The following RFX3 variants were observed in gnomAD, a reference collection of about 807,000 sequenced individuals.
RFX3 encodes transcription factor RFX3.
RFX3 carries 14 observed loss-of-function variants against 98.6 expected under a neutral mutation model. The observed-to-expected ratio is 0.14, with a 90% CI of 0.09 to 0.22. RFX3 has a LOEUF of 0.22. Among genes scored for constraint, RFX3 ranks in the 10% least tolerant of loss-of-function variants. RFX3 has a pLI of 1.00. For missense variants in RFX3, 639 were observed against 926.9 expected (o/e 0.69, Z 4.03); for synonymous variants, 383 against 328.4 (o/e 1.17, Z -1.80).
rs1036566978 is a variant in RFX3 at position 3,220,496 on chromosome 9, T to G, written c.*4546A>C. The G allele has an allele frequency of 5.3e-5, 8 of 152,088 alleles. No individual in the cohort carries two copies. Among genetic ancestry groups the G allele is most frequent in the Non-Finnish European group, 1.2e-4 (8 of 68,014 alleles). The allele number at this position is 152,088 out of a possible 1,614,324, so 9.4% of individuals were successfully genotyped here. On this transcript the variant is annotated 3_prime_UTR_variant, in exon 17 of 17. Transcript: ENST00000617270. ...GACTATGGTGTGATACTAGAAAAGT[T>G]GATTTTTTTTTTCTGTAAACAGTAC...
chr9:3,224,864 C>G lies in RFX3; in HGVS notation c.*178G>C, dbSNP rs919841007. The G allele has an allele frequency of 3.8e-6, 2 of 529,356 alleles. No homozygotes were observed. The highest frequency in any genetic ancestry group is 3.8e-5 in the African/African-American group (2 of 52,490). 32.8% of individuals were successfully genotyped at this position (529,356 alleles called of 1,614,324 possible). A position where few individuals can be genotyped will look rare whatever the true frequency, so the allele number is the denominator to read the frequency against. ...TATTAAGAAGCAAATAATTTGTTTA[C>G]GTTAAAAAAAAAGATCTGGCAAAAT... On this transcript the variant is annotated 3_prime_UTR_variant, in exon 17 of 17. Transcript: ENST00000617270.
intron 1 of RFX3, among the ~76,000 whole-genome samples, chr9:3,429,147 C>T (rs1320082581): frequency 2.0e-5 from 3 of 151,152 alleles, no homozygotes; most frequent in Non-Finnish European, 4.4e-5. Flanking sequence ...CTCAGCCTCC[C>T]AAGTAGCTGG....
In RFX3 at chr9:3,284,363, T is replaced by C. The variant is rs547450100; in HGVS notation, c.851+3768A>G. 3.9e-5 allele frequency among the ~76,000 whole-genome samples: 6 copies of C among 151,936 alleles called. 1 individual carries two copies. The South Asian group carries it at 1.2e-3, about 31-fold the overall frequency. ...CTCTATAATAATCTAACTTACTTAT[T>C]ATCTAAATTAGGGTAAACAAATTAG... On this transcript the variant is annotated intron_variant, in intron 7 of 16. Transcript: ENST00000617270.
At chr9:3,345,580 T>C (rs1394198494) in intron 3 of RFX3, among the ~76,000 whole-genome samples, 1 of 152,172 alleles carries the variant, frequency 6.6e-6, no homozygotes, top group Non-Finnish European at 1.5e-5. Context: ...TATTTCCTTG[T>C]ATCCTTGCAA....
intron 13 of RFX3, among the ~76,000 whole-genome samples, chr9:3,262,702 T>C (rs928649961): frequency 6.6e-6 from 1 of 152,328 alleles, no homozygotes; most frequent in Non-Finnish European, 1.5e-5. Flanking sequence ...ATTCAGCAAA[T>C]GCTGGTGATA....
At chr9:3,275,744 T>C in intron 8 of RFX3, 132 bp from the exon 9 acceptor site, 1 of 532,756 alleles carries the variant, frequency 1.9e-6, no homozygotes, top group Non-Finnish European at 3.4e-6. Flanking sequence ...GCAAGGACAT[T>C]TTATATTAAT....
intron 8 of RFX3, among the ~76,000 whole-genome samples, chr9:3,276,180 T>C (rs1390879186): frequency 1.3e-5 from 2 of 152,136 alleles, no homozygotes; most frequent in Non-Finnish European, 2.9e-5. Flanking sequence ...CAGGATCTTT[T>C]GGGTCTGACA....
At chr9:3,519,865 C>G (rs1564200709) in intron 1 of RFX3, among the ~76,000 whole-genome samples, 3 of 150,714 alleles carry the variant, frequency 2.0e-5, no homozygotes, top group African/African-American at 7.4e-5. Context: ...GATTTTGAAG[C>G]AATACAACTT....
intron 15 of RFX3, among the ~76,000 whole-genome samples, chr9:3,243,340 A>AAC (rs1279355756): frequency 1.1e-4 from 17 of 151,566 alleles, no homozygotes; most frequent in Admixed American, 5.9e-4. Context: ...CAAAAAAAAA[A>AAC]AACTCTAGAA....
intron 1 of RFX3, among the ~76,000 whole-genome samples, chr9:3,467,005 C>G (rs960198468): frequency 1.4e-5 from 2 of 143,870 alleles, no homozygotes; most frequent in African/African-American, 2.6e-5. Flanking sequence ...TAAGAGAAAG[C>G]TGATATACCT....
chr9:3,396,537 A>C (rs1371481614), intron 1 of RFX3, among the ~76,000 whole-genome samples: 3 of 152,122 alleles, frequency 2.0e-5, no homozygotes, highest in Non-Finnish European at 4.4e-5. Context: ...ATGACTTATA[A>C]TCCTTTGGGT....
At chr9:3,376,374 T>A (rs1179093590) in intron 2 of RFX3, among the ~76,000 whole-genome samples, 4 of 152,194 alleles carry the variant, frequency 2.6e-5, no homozygotes, top group Admixed American at 1.3e-4. Context: ...GCCCTGAGAA[T>A]ATACGAATGT....
chr9:3,404,772 T>C (rs1841809068), intron 1 of RFX3, among the ~76,000 whole-genome samples: 1 of 152,178 alleles, frequency 6.6e-6, no homozygotes, highest in South Asian at 2.1e-4. Flanking sequence ...ACTTTGGTGG[T>C]CTTCGATGGA....
At chr9:3,424,509 C>G (rs1187254681) in intron 1 of RFX3, among the ~76,000 whole-genome samples, 5 of 151,184 alleles carry the variant, frequency 3.3e-5, no homozygotes, top group Non-Finnish European at 5.9e-5. Context: ...CTACAGGCGC[C>G]CGCCACCGCG....
At chr9:3,344,628 A>G (rs932842265) in intron 3 of RFX3, 2 of 556,454 alleles carry the variant, frequency 3.6e-6, no homozygotes, top group African/African-American at 3.9e-5. Flanking sequence ...GTCACATTCT[A>G]CCACAACAGA....
At chr9:3,460,938 C>T (rs1847629860) in intron 1 of RFX3, among the ~76,000 whole-genome samples, 1 of 151,808 alleles carries the variant, frequency 6.6e-6, no homozygotes, top group Non-Finnish European at 1.5e-5. Context: ...TGTAGTCTTA[C>T]TCTAATGTAT....
chr9:3,450,281 T>A (rs1296877137), intron 1 of RFX3, among the ~76,000 whole-genome samples: 2 of 152,218 alleles, frequency 1.3e-5, no homozygotes, highest in Admixed American at 1.3e-4. Context: ...TCAATTCTGG[T>A]GTCAGAAAGA....
intron 1 of RFX3, among the ~76,000 whole-genome samples, chr9:3,487,005 T>C (rs1850337101): frequency 1.3e-5 from 2 of 152,186 alleles, no homozygotes; most frequent in African/African-American, 2.4e-5. Context: ...TCATAAATGC[T>C]ATCATAACCT....
chr9:3,524,672 T>C, intron 1 of RFX3: 1 of 970,018 alleles, frequency 1.0e-6, no homozygotes, highest in Non-Finnish European at 1.2e-6. Flanking sequence ...ATAATCACAA[T>C]GAAAATTGTT....
Sources: gnomAD v4.1 joint callset for allele counts (sites outside exome capture counted in the v4.1 genomes callset) on GRCh38, gnomAD v4.1.1 for gene constraint, MANE v1.5 for transcripts, NCBI Gene and HGNC (gene_info 2026-07-23, HGNC 2026-07-21) for gene names.